The following BIN2 variants were observed in gnomAD, a reference collection of about 807,000 sequenced individuals.
BIN2 encodes bridging integrator 2.
In BIN2, 43 loss-of-function variants were observed where a neutral mutation model predicts 67.9. The ratio of observed to expected loss-of-function variants is 0.63; its 90% confidence interval spans 0.50 to 0.82. BIN2 has a LOEUF of 0.82. Among genes scored for constraint, BIN2 ranks in the 40% least tolerant of loss-of-function variants. The pLI, the probability that BIN2 is intolerant of heterozygous loss-of-function variation, is 0.00. For missense variants in BIN2, 581 were observed against 671.6 expected (o/e 0.87, Z 1.49); for synonymous variants, 244 against 246.8 (o/e 0.99, Z 0.11).
chr12:51,304,890 A>G (rs1169774207), intron 2 of BIN2, among the ~76,000 whole-genome samples: 1 of 151,986 alleles, frequency 6.6e-6, no homozygotes, highest in East Asian at 1.9e-4. Flanking sequence ...GGTGGCGGGC[A>G]CCTGTAGTCC....
chr12:51,292,179 A>G lies in BIN2; in HGVS notation c.927T>C (p.Asn309=). The G allele has an allele frequency of 6.2e-7, 1 of 1,613,548 alleles. No homozygotes were observed. Among genetic ancestry groups the G allele is most frequent in the Non-Finnish European group, 8.5e-7 (1 of 1,179,984 alleles). ...LAPDAAQGED[N]SEIKELLEEE... ...CTTCTAAGAGCTCCTTGATCTCAGA[A>G]TTGTCTTCCCCTTGGGCTGCATCAG... Residue 309 remains asparagine (N), a synonymous_variant, in exon 10 of 13, where the codon AAT becomes AAC. Coordinates refer to ENST00000615107, the MANE Select transcript of BIN2 (RefSeq NM_016293.4).
chr12:51,318,590 C>T (rs1170786723), intron 1 of BIN2, among the ~76,000 whole-genome samples: 3 of 152,122 alleles, frequency 2.0e-5, no homozygotes. Context: ...GGGTGTGTCT[C>T]ATTCCTGGAG....
chr12:51,299,862 A>G, intron 5 of BIN2, 148 bp from the exon 6 acceptor site: 1 of 684,840 alleles, frequency 1.5e-6, no homozygotes. Flanking sequence ...TTTTTGAGAC[A>G]GGGTCTTGCT....
intron 8 of BIN2, among the ~76,000 whole-genome samples, chr12:51,296,102 G>C (rs1945559956): frequency 6.6e-6 from 1 of 152,044 alleles, no homozygotes; most frequent in Admixed American, 6.6e-5. Context: ...CCATCAGACT[G>C]GCAGCTGTCT....
chr12:51,284,428 T>A (rs965629791), intron 12 of BIN2, among the ~76,000 whole-genome samples: 6 of 151,916 alleles, frequency 3.9e-5, no homozygotes, highest in South Asian at 2.1e-4. Flanking sequence ...TTTTTGCATT[T>A]AAAAAAAATA....
chr12:51,310,638 A>C (rs1382527166), intron 2 of BIN2, among the ~76,000 whole-genome samples: 1 of 152,260 alleles, frequency 6.6e-6, no homozygotes, highest in African/African-American at 2.4e-5. Context: ...TAAATCTCAC[A>C]TTTATTTATT....
chr12:51,302,963 A>G, intron 3 of BIN2, 124 bp downstream of exon 3: 1 of 1,243,910 alleles, frequency 8.0e-7, no homozygotes, highest in Non-Finnish European at 1.2e-6. Context: ...ACAAAATTCC[A>G]GGAGTCAAGA....
At chr12:51,290,345 T>G (rs1422477726) in intron 10 of BIN2, among the ~76,000 whole-genome samples, 1 of 151,536 alleles carries the variant, frequency 6.6e-6, no homozygotes, top group Non-Finnish European at 1.5e-5. Flanking sequence ...GCCAGGCTGG[T>G]CTCGAACTCC....
intron 10 of BIN2, among the ~76,000 whole-genome samples, chr12:51,290,309 G>C (rs1945349336): frequency 6.6e-6 from 1 of 151,242 alleles, no homozygotes; most frequent in African/African-American, 2.4e-5. Context: ...ATTTTTAATG[G>C]AGACAGGGTT....
upstream of BIN2, chr12:51,324,501 G>T: frequency 6.5e-7 from 1 of 1,530,840 alleles, no homozygotes; most frequent in South Asian, 1.2e-5. Context: ...TCCACTCAGC[G>T]AGAGGACCTA....
chr12:51,291,555 T>A (rs755075519), intron 10 of BIN2, 36 bp downstream of exon 10: 10 of 1,528,922 alleles, frequency 6.5e-6, no homozygotes, highest in Middle Eastern at 1.8e-4. Flanking sequence ...ATAAATAAAT[T>A]AATTAAATTA....
intron 8 of BIN2, among the ~76,000 whole-genome samples, 175 bp from the exon 9 acceptor site, chr12:51,296,053 C>G (rs750742245): frequency 6.6e-6 from 1 of 152,104 alleles, no homozygotes; most frequent in African/African-American, 2.4e-5. Context: ...CCCGCCACCC[C>G]CTCTTCCCTG....
intron 1 of BIN2, chr12:51,323,084 T>C (rs537181788): frequency 2.6e-5 from 4 of 152,122 alleles, no homozygotes; most frequent in Non-Finnish European, 2.9e-5. Context: ...AGAAGGCAGG[T>C]TGGGCTTAAT....
upstream of BIN2, chr12:51,324,605 C>G: frequency 7.1e-7 from 1 of 1,399,786 alleles, no homozygotes. Context: ...AAGCCTGGAA[C>G]TGGTAGGGAT....
intron 9 of BIN2, among the ~76,000 whole-genome samples, chr12:51,295,197 A>T (rs1315277145): frequency 6.6e-6 from 1 of 151,572 alleles, no homozygotes; most frequent in African/African-American, 2.4e-5. Context: ...CTCCTGCCTC[A>T]GCCTCCCAAA....
chr12:51,317,643 C>T (rs567203087), intron 1 of BIN2, among the ~76,000 whole-genome samples: 2 of 149,806 alleles, frequency 1.3e-5, no homozygotes, highest in Non-Finnish European at 3.0e-5. Context: ...GGCAACAGAG[C>T]GAAACTCTGT....
intron 9 of BIN2, among the ~76,000 whole-genome samples, chr12:51,295,579 T>TGA (rs2137374842): frequency 4.9e-5 from 1 of 20,232 alleles, no homozygotes; most frequent in Admixed American, 8.4e-4. Flanking sequence ...AAAAAAAAAA[T>TGA]ATATATATAT....
intron 8 of BIN2, among the ~76,000 whole-genome samples, chr12:51,296,454 G>A (rs1392786899): frequency 5.3e-5 from 8 of 150,256 alleles, no homozygotes; most frequent in African/African-American, 2.0e-4. Flanking sequence ...CAGAGATTGC[G>A]CCACTGCACT....
At chr12:51,324,470 A>G, upstream of BIN2, 1 of 1,518,830 alleles carries the variant, frequency 6.6e-7, no homozygotes, top group Non-Finnish European at 8.8e-7. Flanking sequence ...CTGCCACCGC[A>G]GGGTAGAAAA....
Sources: allele counts gnomAD v4.1 joint callset (sites outside exome capture counted in the v4.1 genomes callset), GRCh38; gene constraint gnomAD v4.1.1; transcripts MANE v1.5; gene names NCBI Gene and HGNC (gene_info 2026-07-23, HGNC 2026-07-21).